Variants in OR4C12 observed in about 807,000 individuals in gnomAD.
OR4C12 encodes olfactory receptor 4C12.
In OR4C12, 11 loss-of-function variants were observed where a neutral mutation model predicts 12.3. The observed-to-expected ratio is 0.89, with a 90% CI of 0.56 to 1.48. OR4C12 has a LOEUF of 1.48. OR4C12 is among the 40% of genes most tolerant of loss of function. The pLI is 0.00. For synonymous variants in OR4C12, 138 were observed against 133.2 expected (o/e 1.04, Z -0.25); for missense variants, 414 against 365.8 (o/e 1.13, Z -1.08).
At position 49,982,345 on chromosome 11, in the gene OR4C12, G is replaced by C. The variant is rs1555020314; in HGVS notation, c.157C>G (p.Leu53Val). ...IVVTITTSQA[L>V]SSPMYFFLTH... ...AGGAAGAAGTACATGGGGGAGCTCA[G>C]AGCCTGGCTGGTGGTAATGGTAACC... Residue 53 changes from leucine to valine, a missense_variant, in exon 1 of 1, where the codon CTG (leucine) becomes GTG (valine). Leu to Val is a conservative substitution (Grantham distance 32). Coordinates refer to ENST00000335238, the MANE Select transcript of OR4C12 (RefSeq NM_001005270.4). 5 of 1,614,004 alleles carry C rather than the reference G, an allele frequency of 3.1e-6. No homozygotes were observed. The highest frequency in any genetic ancestry group is 2.7e-5 in the African/African-American group (2 of 74,922).
rs1469004094 is a variant in OR4C12, at chr11:49,981,922, C to G, written c.580G>C (p.Gly194Arg). Reference sequence around the variant, plus strand: ...CCACTGTTCACAGCAACAAAGAGACCAAGGGTATGAGTGTCTATGCAAACA... The same window carrying G: ...CCACTGTTCACAGCAACAAAGAGACGAAGGGTATGAGTGTCTATGCAAACA... ...KLVCIDTHTL[G>R]LFVAVNSGFI... Residue 194 changes from glycine (G) to arginine (R), a missense_variant, in exon 1 of 1, where the codon GGT (glycine) becomes CGT (arginine). By Grantham distance (125) the Gly-to-Arg change is moderately radical. Transcript: ENST00000335238. 2.5e-6 allele frequency: 4 copies of G among 1,613,760 alleles called. No individual in the cohort carries two copies. The East Asian group carries it at 8.9e-5, about 36-fold the overall frequency.
rs369437453 is a variant in OR4C12 at position 49,981,671 on chromosome 11, G to T, written c.831C>A (p.Val277=). The T allele has an allele frequency of 4.3e-6, 7 of 1,612,814 alleles. No individual in the cohort carries two copies. The highest frequency in any genetic ancestry group is 5.9e-6 in the Non-Finnish European group (7 of 1,179,374). ...KAVAVFYTMV[V]PMLNPVVYTL... is the part of the protein sequence containing the mutation. ...TGTAGACCACGGGATTTAACATTGG[G>T]ACCACCATAGTATAAAATACAGCAA... Residue 277 remains valine, a synonymous_variant, in exon 1 of 1, where the codon GTC becomes GTA. Coordinates refer to ENST00000335238, the MANE Select transcript of OR4C12 (RefSeq NM_001005270.4).
chr11:49,981,656 G>A lies in OR4C12; in HGVS notation c.846C>T (p.Pro282=), dbSNP rs782528637. The A allele has an allele frequency of 3.0e-5, 48 of 1,613,510 alleles. No individual in the cohort carries two copies. Among genetic ancestry groups the A allele is most frequent in the African/African-American group, 2.7e-5 (2 of 74,872 alleles). ...FYTMVVPMLN[P]VVYTLRNAEV... is the part of the protein sequence containing the mutation. ...CAGCATTTCTGAGTGTGTAGACCAC[G>A]GGATTTAACATTGGGACCACCATAG... Residue 282 remains proline (P), a synonymous_variant, in exon 1 of 1, where the codon CCC becomes CCT. Coordinates refer to ENST00000335238, the MANE Select transcript of OR4C12 (RefSeq NM_001005270.4).
rs1372340903 is a variant in OR4C12, at chr11:49,982,016, T to C, written c.486A>G (p.Val162=). Residue 162 remains valine, a synonymous_variant, in exon 1 of 1, where the codon GTA becomes GTG. Transcript: ENST00000335238. ...CATTGGGGCCACAGAAGGGCAGCCA[T>C]ACTGTAAAGAGAATCTGAATAGTTG... ...LHATIQILFT[V]WLPFCGPNVI... 6.2e-7 allele frequency: 1 copy of C among 1,614,130 alleles called. No homozygotes were observed. The highest frequency in any genetic ancestry group is 8.5e-7 in the Non-Finnish European group (1 of 1,179,998).
chr11:49,981,950 T>A lies in OR4C12; in HGVS notation c.552A>T (p.Lys184Asn). The A allele has an allele frequency of 6.2e-7, 1 of 1,613,680 alleles. No homozygotes were observed. Among genetic ancestry groups the A allele is most frequent in the South Asian group, 1.1e-5 (1 of 91,060 alleles). Residue 184 changes from lysine to asparagine, a missense_variant, in exon 1 of 1, where the codon AAA becomes AAT. By Grantham distance (94) the Lys-to-Asn change is moderately conservative. Transcript: ENST00000335238. ...HFMCDLYPLL[K>N]LVCIDTHTLG... ...GGGTATGAGTGTCTATGCAAACAAG[T>A]TTTAACAATGGGTACAAGTCACACA...
chr11:49,982,182 G>A lies in OR4C12; in HGVS notation c.320C>T (p.Ala107Val). The change falls in exon 1 of 1, where the codon GCT (alanine) becomes GTT (valine). Residue 107 changes from alanine (A) to valine (V), a missense_variant. Physicochemically the swap from Ala to Val is moderately conservative, Grantham distance 64 (BLOSUM62 0). Coordinates refer to ENST00000335238, the MANE Select transcript of OR4C12 (RefSeq NM_001005270.4). Reference sequence around the variant, plus strand: ...CACTGTCAGCAGGATGATCTCAGTAGCACCAAAAATGTGTTCTGCATAGGC... The same window carrying A: ...CACTGTCAGCAGGATGATCTCAGTAACACCAAAAATGTGTTCTGCATAGGC... The part of the protein sequence containing the change: ...AQAYAEHIFG[A>V]TEIILLTVMA... 2 of 1,614,046 alleles carry A rather than the reference G, an allele frequency of 1.2e-6. No homozygotes were observed. Among genetic ancestry groups the A allele is most frequent in the South Asian group, 1.1e-5 (1 of 91,076 alleles).
In OR4C12 at chr11:49,982,152, G is replaced by A; in HGVS notation, c.350C>T (p.Ala117Val). Residue 117 changes from alanine to valine, a missense_variant, in exon 1 of 1, where the codon GCC becomes GTC. Physicochemically the swap from Ala to Val is moderately conservative, Grantham distance 64. Coordinates refer to ENST00000335238, the MANE Select transcript of OR4C12 (RefSeq NM_001005270.4). ...ATEIILLTVM[A>V]CDCYVAICKP... ...GCAGATGGCCACATAGCAGTCACAG[G>A]CCATCACTGTCAGCAGGATGATCTC... 6.2e-7 allele frequency: 1 copy of A among 1,614,100 alleles called. No homozygotes were observed.
Position 49,981,722 on chromosome 11 carries a change from C to T in OR4C12, c.780G>A (p.Val260=). Residue 260 remains valine (V), a synonymous_variant, in exon 1 of 1, where the codon GTG becomes GTA. Transcript: ENST00000335238. ...VPCIFVYLRS[V]TTLPIDKAVA... is the part of the protein sequence containing the mutation. ...CAGCTTTATCAATGGGCAGAGTGGTCACTGAGCGCAGATACACAAATATAC... is the reference window on the plus strand; with the variant it reads ...CAGCTTTATCAATGGGCAGAGTGGTTACTGAGCGCAGATACACAAATATAC... 3 of 1,613,818 alleles carry T rather than the reference C, an allele frequency of 1.9e-6. No homozygotes were observed. Among genetic ancestry groups the T allele is most frequent in the Non-Finnish European group, 1.7e-6 (2 of 1,179,930 alleles).
At position 49,982,026 on chromosome 11, in the gene OR4C12, A is replaced by G. The variant is rs1555020219; in HGVS notation, c.476T>C (p.Leu159Pro). The part of the protein sequence containing the change: ...GGFLHATIQI[L>P]FTVWLPFCGP... The stretch of plus-strand genomic sequence containing the variant: ...ACAGAAGGGCAGCCATACTGTAAAG[A>G]GAATCTGAATAGTTGCATGAAGAAA... Residue 159 changes from leucine (L) to proline (P), a missense_variant, in exon 1 of 1, where the codon CTC becomes CCC. Transcript: ENST00000335238. 1.2e-6 allele frequency: 2 copies of G among 1,614,176 alleles called. No individual in the cohort carries two copies. The highest frequency in any genetic ancestry group is 1.7e-6 in the Non-Finnish European group (2 of 1,180,000).
Position 49,981,503 on chromosome 11 carries a change from A to C in OR4C12, c.*69T>G. 1 of 868,028 alleles carries C rather than the reference A, an allele frequency of 1.2e-6. No homozygotes were observed. Among genetic ancestry groups the C allele is most frequent in the Non-Finnish European group, 1.8e-6 (1 of 543,920 alleles). The allele number at this position is 868,028 out of a possible 1,614,324, so 53.8% of individuals were successfully genotyped here. On this transcript the variant is annotated 3_prime_UTR_variant, in exon 1 of 1. Transcript: ENST00000335238. ...ATTAGCCAGCCCCTTGTTAGAGTTG[A>C]CATATTCATCTACAAATCAAGAAGC...
chr11:49,981,752 C>A lies in OR4C12; in HGVS notation c.750G>T (p.Val250=). 6.2e-7 allele frequency: 1 copy of A among 1,613,826 alleles called. No individual in the cohort carries two copies. Among genetic ancestry groups the A allele is most frequent in the Non-Finnish European group, 8.5e-7 (1 of 1,179,928 alleles). ...SHIIVVVLFF[V]PCIFVYLRSV... is the part of the protein sequence containing the mutation. ...AGCGCAGATACACAAATATACAGGGCACAAAGAATAAGACAACTACTATGA... is the reference window on the plus strand; with the variant it reads ...AGCGCAGATACACAAATATACAGGGAACAAAGAATAAGACAACTACTATGA... The change falls in exon 1 of 1, where the codon GTG becomes GTT. Residue 250 remains valine, a synonymous_variant. Coordinates refer to ENST00000335238, the MANE Select transcript of OR4C12 (RefSeq NM_001005270.4).
rs1854153830 is a variant in OR4C12, at chr11:49,982,223, A to G, written c.279T>C (p.Asn93=). The change falls in exon 1 of 1, where the codon AAT becomes AAC. Residue 93 remains asparagine (N), a synonymous_variant. Coordinates refer to ENST00000335238, the MANE Select transcript of OR4C12 (RefSeq NM_001005270.4). ...CTGCATAGGCTTGAGCCATACACCCATTAAAGGAGATGATTTTCTTCTCTT... is the reference window on the plus strand; with the variant it reads ...CTGCATAGGCTTGAGCCATACACCCGTTAAAGGAGATGATTTTCTTCTCTT... The part of the protein sequence containing the change: ...SFQEKKIISF[N]GCMAQAYAEH... 2 of 1,614,038 alleles carry G rather than the reference A, an allele frequency of 1.2e-6. No homozygotes were observed. Among genetic ancestry groups the G allele is most frequent in the Non-Finnish European group, 1.7e-6 (2 of 1,179,994 alleles).
Position 49,982,505 on chromosome 11 carries a change from T to C in OR4C12, c.-4A>G. On this transcript the variant is annotated 5_prime_UTR_variant, in exon 1 of 1. Transcript: ENST00000335238. ...TCACATTCTTTTTCTTCTCCATCTATGTAGTGTGGGTGATAAAACCTCCAG... is the reference window on the plus strand; with the variant it reads ...TCACATTCTTTTTCTTCTCCATCTACGTAGTGTGGGTGATAAAACCTCCAG... 2.6e-6 allele frequency: 4 copies of C among 1,548,138 alleles called. No homozygotes were observed. The highest frequency in any genetic ancestry group is 2.7e-6 in the Non-Finnish European group (3 of 1,129,642).
chr11:49,982,340 G>C lies in OR4C12; in HGVS notation c.162C>G (p.Ser54Arg), dbSNP rs782794231. Residue 54 changes from serine to arginine, a missense_variant, in exon 1 of 1, where the codon AGC (serine) becomes AGG (arginine). Transcript: ENST00000335238. ...VVTITTSQAL[S>R]SPMYFFLTHL... ...GGGTCAGGAAGAAGTACATGGGGGAGCTCAGAGCCTGGCTGGTGGTAATGG... is the reference window on the plus strand; with the variant it reads ...GGGTCAGGAAGAAGTACATGGGGGACCTCAGAGCCTGGCTGGTGGTAATGG... The C allele has an allele frequency of 6.2e-7, 1 of 1,614,110 alleles. No individual in the cohort carries two copies. The highest frequency in any genetic ancestry group is 1.1e-5 in the South Asian group (1 of 91,084).
At position 49,982,319 on chromosome 11, in the gene OR4C12, C is replaced by G; in HGVS notation, c.183G>C (p.Leu61=). 6.2e-7 allele frequency: 1 copy of G among 1,613,978 alleles called. No homozygotes were observed. The change falls in exon 1 of 1, where the codon CTG becomes CTC. Residue 61 remains leucine, a synonymous_variant. Transcript: ENST00000335238. ...QALSSPMYFF[L]THLSLIDTVY... is the part of the protein sequence containing the mutation. The stretch of plus-strand genomic sequence containing the variant: ...CTGTGTCTATCAAAGAAAGGTGGGT[C>G]AGGAAGAAGTACATGGGGGAGCTCA...
In OR4C12 at chr11:49,982,362, A is replaced by G. The variant is rs545817463; in HGVS notation, c.140T>C (p.Ile47Thr). The G allele has an allele frequency of 2.5e-6, 4 of 1,614,070 alleles. No homozygotes were observed. The African/African-American group carries it at 5.3e-5, about 22-fold the overall frequency. ...GGAGCTCAGAGCCTGGCTGGTGGTA[A>G]TGGTAACCACAATGAGCAGGTTGCC... Reference protein sequence around the residue: ...LSGNLLIVVTITTSQALSSPM... With the variant: ...LSGNLLIVVTTTTSQALSSPM... The change falls in exon 1 of 1, where the codon ATT (isoleucine) becomes ACT (threonine). Residue 47 changes from isoleucine (I) to threonine (T), a missense_variant. Ile to Thr is a moderately conservative substitution (Grantham distance 89). Transcript: ENST00000335238.
At position 49,981,644 on chromosome 11, in the gene OR4C12, T is replaced by G. The variant is rs1854140209; in HGVS notation, c.858A>C (p.Thr286=). 1 of 1,613,738 alleles carries G rather than the reference T, an allele frequency of 6.2e-7. No individual in the cohort carries two copies. Among genetic ancestry groups the G allele is most frequent in the Admixed American group, 1.7e-5 (1 of 59,956 alleles). The change falls in exon 1 of 1, where the codon ACA becomes ACC. Residue 286 remains threonine, a synonymous_variant. Transcript: ENST00000335238. ...CACTTTTTACCTCAGCATTTCTGAG[T>G]GTGTAGACCACGGGATTTAACATTG... ...VVPMLNPVVY[T]LRNAEVKSAI...
At position 49,982,074 on chromosome 11, in the gene OR4C12, A is replaced by C; in HGVS notation, c.428T>G (p.Val143Gly). The C allele has an allele frequency of 6.2e-7, 1 of 1,614,188 alleles. No individual in the cohort carries two copies. Among genetic ancestry groups the C allele is most frequent in the Non-Finnish European group, 8.5e-7 (1 of 1,180,012 alleles). Reference sequence around the variant, plus strand: ...AAATCCTCCCACCCAGGCCACTGCCACCAGGAGAATGCACAGGCTGTGGCT... The same window carrying C: ...AAATCCTCCCACCCAGGCCACTGCCCCCAGGAGAATGCACAGGCTGTGGCT... ...IMSHSLCILL[V>G]AVAWVGGFLH... The change falls in exon 1 of 1, where the codon GTG (valine) becomes GGG (glycine). Residue 143 changes from valine to glycine, a missense_variant. Transcript: ENST00000335238.
Position 49,982,054 on chromosome 11 carries a change from C to T in OR4C12, c.448G>A (p.Gly150Arg). Reference protein sequence around the residue: ...ILLVAVAWVGGFLHATIQILF... With the variant: ...ILLVAVAWVGRFLHATIQILF... ...ATCTGAATAGTTGCATGAAGAAATC[C>T]TCCCACCCAGGCCACTGCCACCAGG... is the stretch of plus-strand genomic sequence containing the variant. The change falls in exon 1 of 1, where the codon GGA (glycine) becomes AGA (arginine). Residue 150 changes from glycine (G) to arginine (R), a missense_variant. Physicochemically the swap from Gly to Arg is moderately radical, Grantham distance 125. Transcript: ENST00000335238. 6.2e-7 allele frequency: 1 copy of T among 1,614,154 alleles called. No individual in the cohort carries two copies. Among genetic ancestry groups the T allele is most frequent in the Non-Finnish European group, 8.5e-7 (1 of 1,180,016 alleles).
Sources: gnomAD v4.1 joint callset for allele counts on GRCh38, gnomAD v4.1.1 for gene constraint, MANE v1.5 for transcripts, NCBI Gene and HGNC (gene_info 2026-07-23, HGNC 2026-07-21) for gene names.